Variants in ELF2 observed in about 807,000 individuals in gnomAD.
ELF2 encodes the protein ETS-related transcription factor Elf-2.
ELF2 carries 11 observed loss-of-function variants against 54.8 expected under a neutral mutation model. That is an observed-to-expected ratio of 0.20 (90% CI 0.13 to 0.33). The LOEUF (loss-of-function observed/expected upper bound fraction) is 0.33. Ranked by LOEUF, ELF2 falls within the 10% of genes least tolerant of loss-of-function variation. The probability of loss-of-function intolerance (pLI) is 1.00; values close to 1 mark genes in which losing one functional copy is unlikely to be tolerated. For missense variants in ELF2, 513 were observed against 703.0 expected (o/e 0.73, Z 3.06); for synonymous variants, 203 against 245.1 (o/e 0.83, Z 1.61).
intron 1 of ELF2, among the ~76,000 whole-genome samples, chr4:139,169,346 TA>T (rs61462829): frequency 0.17 from 13,050 of 77,476 alleles, 1,684 homozygotes; most frequent in African/African-American, 0.37. Flanking sequence ...GGACTACATT[TA>T]AAAAAAAAAA....
intron 1 of ELF2, among the ~76,000 whole-genome samples, chr4:139,151,785 T>C (rs932557593): frequency 3.3e-5 from 5 of 152,240 alleles, no homozygotes; most frequent in African/African-American, 1.2e-4. Flanking sequence ...GAAAACTGAA[T>C]AGTTTGTCAT....
At chr4:139,099,790 C>T (rs1733682919) in intron 4 of ELF2, among the ~76,000 whole-genome samples, 1 of 152,118 alleles carries the variant, frequency 6.6e-6, no homozygotes, top group Non-Finnish European at 1.5e-5. Context: ...GTTGTAGGTG[C>T]TAAAAACAAA....
chr4:139,078,159 T>TA (rs2148713265), intron 4 of ELF2, among the ~76,000 whole-genome samples: 1 of 152,336 alleles, frequency 6.6e-6, no homozygotes, highest in Admixed American at 6.5e-5. Context: ...ACTTGGTAAT[T>TA]AAGTCTGACA....
At chr4:139,083,428 A>G (rs528718762) in intron 4 of ELF2, among the ~76,000 whole-genome samples, 20 of 152,182 alleles carry the variant, frequency 1.3e-4, no homozygotes, top group Admixed American at 4.6e-4. Flanking sequence ...CCGTTAAATG[A>G]GCAAAGGGAG....
chr4:139,174,513 G>C (rs1742708172), intron 1 of ELF2, among the ~76,000 whole-genome samples: 1 of 152,010 alleles, frequency 6.6e-6, no homozygotes, highest in Non-Finnish European at 1.5e-5. Flanking sequence ...TATAGTGATG[G>C]CTGCACAACT....
At chr4:139,101,774 G>A (rs1733896782) in intron 4 of ELF2, 1 of 152,030 alleles carries the variant, frequency 6.6e-6, no homozygotes, top group African/African-American at 2.4e-5. Flanking sequence ...CCAGAACATA[G>A]GCCTTCAGAT....
intron 1 of ELF2, among the ~76,000 whole-genome samples, chr4:139,142,344 C>A (rs1409293460): frequency 6.6e-6 from 1 of 152,072 alleles, no homozygotes; most frequent in Non-Finnish European, 1.5e-5. Context: ...GTATGCCTGA[C>A]TAGTTAAAGG....
chr4:139,112,305 T>A (rs1735033794), intron 4 of ELF2, among the ~76,000 whole-genome samples: 1 of 152,248 alleles, frequency 6.6e-6, no homozygotes, highest in South Asian at 2.1e-4. Flanking sequence ...TGCTGTTTAC[T>A]CCCATAAACT....
intron 4 of ELF2, among the ~76,000 whole-genome samples, chr4:139,109,515 T>C (rs1041249067): frequency 3.9e-5 from 6 of 152,230 alleles, no homozygotes; most frequent in Non-Finnish European, 8.8e-5. Context: ...TCTTAAGAGA[T>C]AATCTCTTAA....
intron 4 of ELF2, among the ~76,000 whole-genome samples, chr4:139,096,778 A>C (rs11940509): frequency 0.23 from 34,584 of 151,788 alleles, 4,123 homozygotes; most frequent in Non-Finnish European, 0.25. Flanking sequence ...CCTAAACTAT[A>C]AAATTTTAAC....
intron 4 of ELF2, among the ~76,000 whole-genome samples, chr4:139,091,411 G>T (rs1024680283): frequency 6.6e-6 from 1 of 152,164 alleles, no homozygotes; most frequent in Non-Finnish European, 1.5e-5. Context: ...TTGATTCACA[G>T]ATGGAAAAAG....
intron 4 of ELF2, among the ~76,000 whole-genome samples, chr4:139,116,308 A>T (rs1164464232): frequency 1.3e-5 from 2 of 152,102 alleles, no homozygotes; most frequent in Non-Finnish European, 1.5e-5. Flanking sequence ...GGAAAAAAAC[A>T]CTTATTAAAA....
chr4:139,114,643 T>TC (rs1735397521), intron 4 of ELF2, among the ~76,000 whole-genome samples: 1 of 54,768 alleles, frequency 1.8e-5, no homozygotes. Flanking sequence ...TTTTTCTTTC[T>TC]TTTTTTTTTT....
chr4:139,117,555 A>G (rs1735864308), intron 4 of ELF2, among the ~76,000 whole-genome samples: 1 of 152,066 alleles, frequency 6.6e-6, no homozygotes, highest in African/African-American at 2.4e-5. Context: ...TTAGCCACAT[A>G]GGTGTGGTGA....
intron 2 of ELF2, among the ~76,000 whole-genome samples, chr4:139,138,315 G>A (rs923114104): frequency 2.6e-5 from 4 of 152,046 alleles, no homozygotes; most frequent in Non-Finnish European, 5.9e-5. Flanking sequence ...TACTCGGGAG[G>A]CTGAGGCAGG....
chr4:139,133,742 T>C (rs1328578432), intron 3 of ELF2, among the ~76,000 whole-genome samples: 1 of 152,112 alleles, frequency 6.6e-6, no homozygotes, highest in Non-Finnish European at 1.5e-5. Context: ...TAGCTGGGAC[T>C]ATATGCACGT....
At chr4:139,150,798 G>A (rs1739798523) in intron 1 of ELF2, among the ~76,000 whole-genome samples, 1 of 151,796 alleles carries the variant, frequency 6.6e-6, no homozygotes. Context: ...TGAGGCGTGT[G>A]GATCACAAGG....
intron 3 of ELF2, among the ~76,000 whole-genome samples, chr4:139,131,938 G>C (rs1351733250): frequency 6.6e-6 from 1 of 152,156 alleles, no homozygotes; most frequent in African/African-American, 2.4e-5. Flanking sequence ...ATACAAACAA[G>C]AGGGGGTGGA....
Position 139,121,248 on chromosome 4 carries a change from A to G in ELF2, c.238+3916T>C, listed in dbSNP as rs1342251118. 4.0e-5 allele frequency among the ~76,000 whole-genome samples: 6 copies of G among 150,730 alleles called. 1 individual carries two copies. The South Asian group carries it at 1.0e-3, about 26-fold the overall frequency. ...CTCAGCCTCCCGAGTAGCTGGGACT[A>G]CAGGCGCCCGCTACCACGCCCGGCT... On this transcript the variant is annotated intron_variant, in intron 4 of 9. Transcript: ENST00000686138.
Sources: allele counts gnomAD v4.1 joint callset (sites outside exome capture counted in the v4.1 genomes callset), GRCh38; gene constraint gnomAD v4.1.1; transcripts MANE v1.5; gene names NCBI Gene and HGNC (gene_info 2026-07-23, HGNC 2026-07-21).